SMAD6: variants seen among roughly 807,000 people sequenced by gnomAD.
SMAD6 encodes SMAD family member 6.
Under a neutral mutation model 39.4 loss-of-function variants are expected in SMAD6, and 103 were observed. The observed-to-expected ratio is 2.62, with a 90% confidence interval of 2.23 to 3.08. The LOEUF is 3.08. Among genes scored for constraint, SMAD6 ranks in the 30% most tolerant of loss-of-function variants. The pLI is 0.00. For missense variants in SMAD6, 1,104 were observed against 742.9 expected, an observed-to-expected ratio of 1.49 and a Z score of -5.65; for synonymous variants, 445 against 353.3, an observed-to-expected ratio of 1.26 and a Z score of -2.91.
At chr15:66,760,396 G>C (rs1243018514) in intron 3 of SMAD6, among the ~76,000 whole-genome samples, 6 of 152,236 alleles carry the variant, frequency 3.9e-5, no homozygotes, top group Admixed American at 3.9e-4. Flanking sequence ...GAGCAGAACA[G>C]TCAGAAACCT....
chr15:66,715,193 C>T (rs1469193951), intron 2 of SMAD6, among the ~76,000 whole-genome samples: 2 of 150,878 alleles, frequency 1.3e-5, no homozygotes, highest in Admixed American at 6.6e-5. Context: ...AACAAAAAGC[C>T]AGTTCACTTC....
intron 3 of SMAD6, among the ~76,000 whole-genome samples, chr15:66,733,677 G>T (rs950649469): frequency 4.5e-4 from 68 of 152,148 alleles, no homozygotes; most frequent in African/African-American, 1.6e-3. Context: ...TGTTGAGTGT[G>T]TTTTTTCAGG....
At position 66,773,076 on chromosome 15, in the gene SMAD6, A is replaced by G. The variant is rs537176312; in HGVS notation, c.953-7921A>G. ...TGGCCAGTGTAGAGACCAGCCGCCA[A>G]AAGAGCCCCTGAGGTGGGCCCTGTG... On this transcript the variant is annotated intron_variant, in intron 3 of 3. Coordinates refer to ENST00000288840, the MANE Select transcript of SMAD6 (RefSeq NM_005585.5). Among the ~76,000 whole-genome samples, 5 of 152,250 alleles carry G rather than the reference A, an allele frequency of 3.3e-5. No homozygotes were observed. The South Asian group carries it at 1.0e-3, about 32-fold the overall frequency.
At chr15:66,711,783 G>A in intron 2 of SMAD6, 59 bp downstream of exon 2, 2 of 1,363,320 alleles carry the variant, frequency 1.5e-6, no homozygotes. Context: ...GTCCTCTTCA[G>A]CCCAGTGTCT....
rs541943101 is a variant in SMAD6 at position 66,770,124 on chromosome 15, G to A, written c.953-10873G>A. 9.2e-5 allele frequency among the ~76,000 whole-genome samples: 14 copies of A among 152,270 alleles called. No homozygotes were observed. The East Asian group carries it at 1.9e-3, about 21-fold the overall frequency. ...ATTGCAGCCGTGAGCCACTGCGCCCGGCCGAGAAGGGCTTTCTTGAAGCCT... is the reference window on the plus strand; with the variant it reads ...ATTGCAGCCGTGAGCCACTGCGCCCAGCCGAGAAGGGCTTTCTTGAAGCCT... On this transcript the variant is annotated intron_variant, in intron 3 of 3. Transcript: ENST00000288840.
chr15:66,773,392 C>A (rs907560273), intron 3 of SMAD6, among the ~76,000 whole-genome samples: 17 of 152,126 alleles, frequency 1.1e-4, no homozygotes, highest in Non-Finnish European at 2.4e-4. Flanking sequence ...GTCTTCCCCT[C>A]CCTTCACAAA....
In SMAD6 at chr15:66,703,697, G is replaced by C. The variant is rs867644316; in HGVS notation, c.439G>C (p.Gly147Arg). The C allele has an allele frequency of 4.7e-6, 6 of 1,268,116 alleles. No homozygotes were observed. Among genetic ancestry groups the C allele is most frequent in the Non-Finnish European group, 6.0e-6 (6 of 1,003,578 alleles). The allele number at this position is 1,268,116 out of a possible 1,614,324, so 78.6% of individuals were successfully genotyped here. A position where few individuals can be genotyped will look rare whatever the true frequency, so the allele number is the denominator to read the frequency against. ...CCGGGACGCCAGCGACCCCCTGGCCGGGGCGGCCCTGGAGCCGGCGGGCGG... is the reference window on the plus strand; with the variant it reads ...CCGGGACGCCAGCGACCCCCTGGCCCGGGCGGCCCTGGAGCCGGCGGGCGG... ...APRDASDPLA[G>R]AALEPAGGGR... Residue 147 changes from glycine to arginine, a missense_variant, in exon 1 of 4, where the codon GGG becomes CGG. Coordinates refer to ENST00000288840, the MANE Select transcript of SMAD6 (RefSeq NM_005585.5).
chr15:66,742,276 C>T (rs902902780), intron 3 of SMAD6, among the ~76,000 whole-genome samples: 3 of 152,174 alleles, frequency 2.0e-5, no homozygotes, highest in African/African-American at 4.8e-5. Flanking sequence ...CCGCCCTGAG[C>T]GCGTGCCCTC....
intron 3 of SMAD6, among the ~76,000 whole-genome samples, chr15:66,726,205 CCT>C (rs1450861156): frequency 6.6e-6 from 1 of 152,166 alleles, no homozygotes; most frequent in Admixed American, 6.5e-5. Flanking sequence ...TAGGCTGCTC[CCT>C]GAGGGCAGAT....
intron 3 of SMAD6, among the ~76,000 whole-genome samples, chr15:66,733,033 A>G (rs374575453): frequency 6.9e-4 from 104 of 151,748 alleles, no homozygotes; most frequent in African/African-American, 2.4e-3. Flanking sequence ...TTTCATATAG[A>G]GGTTGTTCTA....
rs888401887 is a variant in SMAD6 at position 66,781,303 on chromosome 15, C to G, written c.1259C>G (p.Pro420Arg). 1.2e-6 allele frequency: 2 copies of G among 1,602,620 alleles called. No individual in the cohort carries two copies. The highest frequency in any genetic ancestry group is 1.7e-6 in the Non-Finnish European group (2 of 1,176,242). The change falls in exon 4 of 4, where the codon CCC (proline) becomes CGC (arginine). Residue 420 changes from proline to arginine, a missense_variant. Pro to Arg is a moderately radical substitution (Grantham distance 103, BLOSUM62 -2). Coordinates refer to ENST00000288840, the MANE Select transcript of SMAD6 (RefSeq NM_005585.5). ...GTCAACTCCCCGACGCTGGACGCGCCCGGCGGCCGCGCCCTGGTCGTGCGC... is the reference window on the plus strand; with the variant it reads ...GTCAACTCCCCGACGCTGGACGCGCGCGGCGGCCGCGCCCTGGTCGTGCGC... ...IFVNSPTLDAPGGRALVVRKV... is the reference protein window; with the variant it reads ...IFVNSPTLDARGGRALVVRKV...
At chr15:66,730,512 T>G (rs1419014040) in intron 3 of SMAD6, among the ~76,000 whole-genome samples, 5 of 152,218 alleles carry the variant, frequency 3.3e-5, no homozygotes, top group Non-Finnish European at 7.3e-5. Context: ...AGGACCTTGG[T>G]CTGCATTTGT....
chr15:66,714,094 A>G (rs777218996), intron 2 of SMAD6, among the ~76,000 whole-genome samples: 4 of 152,188 alleles, frequency 2.6e-5, no homozygotes, highest in Admixed American at 6.5e-5. Context: ...CCATTAGAGA[A>G]AAAAACCCTC....
At chr15:66,704,139 C>G in intron 1 of SMAD6, 64 bp downstream of exon 1, 1 of 1,227,722 alleles carries the variant, frequency 8.1e-7, no homozygotes, top group Non-Finnish European at 1.1e-6. Flanking sequence ...CCGTGCCCTT[C>G]TCTCTGTGAC....
intron 1 of SMAD6, among the ~76,000 whole-genome samples, chr15:66,710,972 C>T (rs1339672743): frequency 6.6e-6 from 1 of 152,172 alleles, no homozygotes; most frequent in Non-Finnish European, 1.5e-5. Flanking sequence ...ACTGTCCTCC[C>T]CTGCACCTAG....
At chr15:66,723,856 T>C (rs986061978) in intron 3 of SMAD6, among the ~76,000 whole-genome samples, 2 of 152,140 alleles carry the variant, frequency 1.3e-5, no homozygotes, top group African/African-American at 4.8e-5. Flanking sequence ...TGACTGATCA[T>C]GCTGAGTGCT....
chr15:66,726,395 C>T (rs1893522200), intron 3 of SMAD6, among the ~76,000 whole-genome samples: 1 of 152,204 alleles, frequency 6.6e-6, no homozygotes, highest in South Asian at 2.1e-4. Context: ...CAGACTCTCT[C>T]AGCTGGGATT....
chr15:66,760,725 C>G (rs1942925386), intron 3 of SMAD6, among the ~76,000 whole-genome samples: 1 of 152,182 alleles, frequency 6.6e-6, no homozygotes. Flanking sequence ...CACCCAGACA[C>G]ACTAGTCAGG....
chr15:66,738,587 A>G (rs765956365), intron 3 of SMAD6, among the ~76,000 whole-genome samples: 3 of 151,990 alleles, frequency 2.0e-5, no homozygotes, highest in Admixed American at 6.6e-5. Flanking sequence ...AGAAGATAAC[A>G]TTTTCCTCTC....
Sources: gnomAD v4.1 joint callset for allele counts (sites outside exome capture counted in the v4.1 genomes callset) on GRCh38, gnomAD v4.1.1 for gene constraint, MANE v1.5 for transcripts, NCBI Gene and HGNC (gene_info 2026-07-23, HGNC 2026-07-21) for gene names.